The following RPTOR variants were observed in gnomAD, a reference collection of about 807,000 sequenced individuals.
RPTOR encodes the protein regulatory associated protein of MTOR complex 1, also known as regulatory-associated protein of mTOR.
A neutral mutation model predicts 169.9 loss-of-function variants in RPTOR; 21 were observed. The observed-to-expected ratio is 0.12, with a 90% CI of 0.09 to 0.18. The LOEUF is 0.18. Ranked by LOEUF, RPTOR falls within the 10% of genes least tolerant of loss-of-function variation. The pLI, the probability that RPTOR is intolerant of heterozygous loss-of-function variation, is 1.00. For missense variants in RPTOR, 1,133 were observed against 1,855.9 expected (o/e 0.61, Z 7.16); for synonymous variants, 732 against 753.2 (o/e 0.97, Z 0.46).
chr17:80,867,461 G>A (rs1242306973), intron 13 of RPTOR, among the ~76,000 whole-genome samples: 1 of 152,096 alleles, frequency 6.6e-6, no homozygotes, highest in African/African-American at 2.4e-5. Flanking sequence ...ATACAGTGGT[G>A]AAAGACTGAA....
chr17:80,604,432 A>G (rs1356052167), intron 1 of RPTOR, among the ~76,000 whole-genome samples: 1 of 152,196 alleles, frequency 6.6e-6, no homozygotes, highest in Non-Finnish European at 1.5e-5. Context: ...CAGTCTTCAT[A>G]AATGTAGATA....
chr17:80,639,025 G>A lies in RPTOR; in HGVS notation c.266-4703G>A, dbSNP rs140054486. On this transcript the variant is annotated intron_variant, in intron 2 of 33. Coordinates refer to ENST00000306801, the MANE Select transcript of RPTOR (RefSeq NM_020761.3). ...GCAGCTGTGTGGCTCCAAGCTTTGCGCCTGAGCTGAGGAAGATCACACGCC... is the reference window on the plus strand; with the variant it reads ...GCAGCTGTGTGGCTCCAAGCTTTGCACCTGAGCTGAGGAAGATCACACGCC... Among the ~76,000 whole-genome samples the A allele has an allele frequency of 4.6e-4, 70 of 152,242 alleles. No homozygotes were observed. The East Asian group carries it at 0.011, about 24-fold the overall frequency.
At chr17:80,895,459 T>A (rs2068386934) in intron 20 of RPTOR, among the ~76,000 whole-genome samples, 1 of 152,198 alleles carries the variant, frequency 6.6e-6, no homozygotes, top group Non-Finnish European at 1.5e-5. Flanking sequence ...CCCATCTCTC[T>A]CCCCTGGAGC....
intron 3 of RPTOR, among the ~76,000 whole-genome samples, chr17:80,664,003 C>T (rs1415869384): frequency 1.6e-4 from 24 of 152,088 alleles, no homozygotes; most frequent in Admixed American, 1.6e-3. Context: ...TGCTCTTGAC[C>T]CTGTGGTGGC....
intron 20 of RPTOR, among the ~76,000 whole-genome samples, chr17:80,906,944 G>C (rs2068551227): frequency 6.6e-6 from 1 of 152,196 alleles, no homozygotes; most frequent in African/African-American, 2.4e-5. Flanking sequence ...GGTAGACACT[G>C]GCCCGCCATA....
At position 80,803,635 on chromosome 17, in the gene RPTOR, G is replaced by A. The variant is rs915842107; in HGVS notation, c.890+12126G>A. Reference sequence around the variant, plus strand: ...AGACCCCGCGTGTGTTTCTCAGCACGTTTGTTCATTCACCGTTCATTCAGC... The same window carrying A: ...AGACCCCGCGTGTGTTTCTCAGCACATTTGTTCATTCACCGTTCATTCAGC... On this transcript the variant is annotated intron_variant, in intron 7 of 33. Transcript: ENST00000306801. This position sits in a 1 kb window ranked among gnomAD's most constrained non-coding sequence, Gnocchi z 6.2. The A allele has an allele frequency of 5.3e-5, 8 of 152,248 alleles. No homozygotes were observed. Among genetic ancestry groups the A allele is most frequent in the African/African-American group, 1.7e-4 (7 of 41,446 alleles). 9.4% of individuals were successfully genotyped at this position (152,248 alleles called of 1,614,324 possible).
In RPTOR at chr17:80,959,428, A is replaced by G. The variant is rs1185074345; in HGVS notation, c.3478-650A>G. Among the ~76,000 whole-genome samples, 2 of 152,122 alleles carry G rather than the reference A, an allele frequency of 1.3e-5. No homozygotes were observed. The highest frequency in any genetic ancestry group is 2.4e-5 in the African/African-American group (1 of 41,420). On this transcript the variant is annotated intron_variant, in intron 29 of 33. Transcript: ENST00000306801. The surrounding 1 kb of genome is among the most constrained non-coding windows in gnomAD (Gnocchi z 6.7). The stretch of plus-strand genomic sequence containing the variant: ...TCCCAGAGCCGGCTCTGCCCCTCGC[A>G]GGGGTCTGGCCCCATCATCCCCACG...
At position 80,695,428 on chromosome 17, in the gene RPTOR, C is replaced by T. The variant is rs1015325729; in HGVS notation, c.349-12413C>T. Among the ~76,000 whole-genome samples the T allele has an allele frequency of 4.6e-5, 7 of 152,168 alleles. No individual in the cohort carries two copies. Among genetic ancestry groups the T allele is most frequent in the African/African-American group, 1.4e-4 (6 of 41,430 alleles). On this transcript the variant is annotated intron_variant, in intron 3 of 33. Transcript: ENST00000306801. The surrounding 1 kb of genome is among the most constrained non-coding windows in gnomAD (Gnocchi z 4.9). ...GAGACTTAAGTTTCCCATCTCTGGG[C>T]GGGACCTGTGCTCTCTCCCTGTAAC...
In RPTOR at chr17:80,915,314, C is replaced by T. The variant is rs1447753577; in HGVS notation, c.2520+6385C>T. Among the ~76,000 whole-genome samples, 6 of 103,402 alleles carry T rather than the reference C, an allele frequency of 5.8e-5. 2 individuals are homozygous for T. The highest frequency in any genetic ancestry group is 1.9e-4 in the African/African-American group (5 of 26,964). 67.8% of individuals were successfully genotyped at this position (103,402 alleles called of 152,430 possible). On this transcript the variant is annotated intron_variant, in intron 21 of 33. Transcript: ENST00000306801. ...TCCTCTCTGCTGAGAGCTGAGCAGA[C>T]GTCAGGAAAACCAGCTGCAGAGAGG... is the stretch of plus-strand genomic sequence containing the variant.
At chr17:80,819,294 T>C (rs537783421) in intron 7 of RPTOR, among the ~76,000 whole-genome samples, 1 of 152,360 alleles carries the variant, frequency 6.6e-6, no homozygotes, top group East Asian at 1.9e-4. Flanking sequence ...GGTATCCCCA[T>C]GATCGCATTT....
At chr17:80,951,479 G>A (rs1314597400) in intron 28 of RPTOR, among the ~76,000 whole-genome samples, 1 of 152,240 alleles carries the variant, frequency 6.6e-6, no homozygotes, top group African/African-American at 2.4e-5. Flanking sequence ...CAGCAGAGGC[G>A]TCTCGCCAGA....
At chr17:80,846,003 G>A (rs972204317) in intron 10 of RPTOR, among the ~76,000 whole-genome samples, 1 of 152,090 alleles carries the variant, frequency 6.6e-6, no homozygotes, top group Non-Finnish European at 1.5e-5. Flanking sequence ...CCATAGCAGA[G>A]GCTCTGTCCT....
rs1457257734 is a variant in RPTOR, at chr17:80,773,924, C to G, written c.831-17526C>G. The G allele has an allele frequency of 4.1e-6, 4 of 985,332 alleles. No individual in the cohort carries two copies. In the African/African-American group the frequency reaches 7.0e-5, roughly 17 times the overall value. 61.0% of individuals were successfully genotyped at this position (985,332 alleles called of 1,614,324 possible). On this transcript the variant is annotated intron_variant, in intron 6 of 33. Transcript: ENST00000306801. ...CTCCAGACAGCTCCCGGTGGACACG[C>G]AGGGCTATGCGGCCTGCCCTGGGGG...
At chr17:80,647,944 G>A (rs2065609985) in intron 3 of RPTOR, among the ~76,000 whole-genome samples, 1 of 152,150 alleles carries the variant, frequency 6.6e-6, no homozygotes, top group Non-Finnish European at 1.5e-5. Context: ...TTGAATGTCA[G>A]CTTCCCTTCA....
chr17:80,649,331 T>C (rs2065621632), intron 3 of RPTOR, among the ~76,000 whole-genome samples: 1 of 152,210 alleles, frequency 6.6e-6, no homozygotes, highest in Non-Finnish European at 1.5e-5. Context: ...GGCCCTATAA[T>C]TGCGATTGGC....
intron 3 of RPTOR, among the ~76,000 whole-genome samples, chr17:80,666,303 A>G (rs2065778761): frequency 1.3e-5 from 2 of 152,142 alleles, no homozygotes. Context: ...CTATGAGTTT[A>G]AGAAGACTCT....
At chr17:80,874,241 G>C (rs1289046574) in intron 13 of RPTOR, among the ~76,000 whole-genome samples, 1 of 150,846 alleles carries the variant, frequency 6.6e-6, no homozygotes, top group African/African-American at 2.4e-5. Flanking sequence ...TCTGTCACCA[G>C]GCTGGAGTGC....
intron 21 of RPTOR, among the ~76,000 whole-genome samples, chr17:80,917,022 A>G (rs2068681378): frequency 6.6e-6 from 1 of 152,100 alleles, no homozygotes. Flanking sequence ...AAAGATTGAG[A>G]TATCCAGGAA....
rs2066658295 is a variant in RPTOR, at chr17:80,754,253, G to T, written c.830+68G>T. ...CTCTCCCGCAGGGACCCCAACCCAT[G>T]TGGGCCCCAGGCATTCACCTGGTCC... On this transcript the variant is annotated intron_variant, in intron 6 of 33. Transcript: ENST00000306801. The surrounding 1 kb of genome is among the most constrained non-coding windows in gnomAD (Gnocchi z 4.2). The T allele has an allele frequency of 6.9e-7, 1 of 1,458,690 alleles. No individual in the cohort carries two copies. Among genetic ancestry groups the T allele is most frequent in the Non-Finnish European group, 9.2e-7 (1 of 1,088,724 alleles). 90.4% of individuals were successfully genotyped at this position (1,458,690 alleles called of 1,614,324 possible).
Sources: gnomAD v4.1 joint callset for allele counts (sites outside exome capture counted in the v4.1 genomes callset) on GRCh38, gnomAD v4.1.1 for gene constraint, Gnocchi (gnomAD v3.1) non-coding constraint, MANE v1.5 for transcripts, NCBI Gene and HGNC (gene_info 2026-07-23, HGNC 2026-07-21) for gene names.